The following NEDD4L variants were observed in gnomAD, a reference collection of about 807,000 sequenced individuals.
NEDD4L encodes the protein E3 ubiquitin-protein ligase NEDD4-like.
NEDD4L carries 54 observed loss-of-function variants against 148.9 expected under a neutral mutation model. The observed-to-expected ratio is 0.36, with a 90% CI of 0.29 to 0.45. The LOEUF (loss-of-function observed/expected upper bound fraction) is 0.45, where lower values mean the gene tolerates loss of function less well. Among genes scored for constraint, NEDD4L ranks in the 20% least tolerant of loss-of-function variants. The pLI is 1.00. For synonymous variants in NEDD4L, 433 were observed against 440.7 expected (o/e 0.98, Z 0.22); for missense variants, 856 against 1,233.8 (o/e 0.69, Z 4.59).
At chr18:58,051,521 G>A (rs1263141759) in intron 1 of NEDD4L, among the ~76,000 whole-genome samples, 3 of 150,722 alleles carry the variant, frequency 2.0e-5, no homozygotes, top group Admixed American at 1.3e-4. Context: ...TGCTTGTGCG[G>A]TGTTTAAAAT....
At chr18:58,103,306 A>G (rs1048750708) in intron 1 of NEDD4L, among the ~76,000 whole-genome samples, 2 of 149,162 alleles carry the variant, frequency 1.3e-5, no homozygotes, top group Admixed American at 1.3e-4. Context: ...TATATTATAT[A>G]GATGGTTCTG....
intron 2 of NEDD4L, among the ~76,000 whole-genome samples, chr18:58,167,757 C>CA (rs1172363209): frequency 6.6e-6 from 1 of 152,142 alleles, no homozygotes; most frequent in Non-Finnish European, 1.5e-5. Context: ...TAAACATTTG[C>CA]ATGCCAACCG....
In NEDD4L at chr18:58,397,093, C is replaced by A. The variant is rs1032178901; in HGVS notation, c.*824C>A. The A allele has an allele frequency of 2.6e-5, 4 of 152,596 alleles. No individual in the cohort carries two copies. Among genetic ancestry groups the A allele is most frequent in the Admixed American group, 6.5e-5 (1 of 15,280 alleles). The allele number at this position is 152,596 out of a possible 1,614,324, so 9.5% of individuals were successfully genotyped here. ...AACACATTTGAGACAGGGTTGGACT[C>A]CCATTTCTCATCCGAGAAATTACTT... On this transcript the variant is annotated 3_prime_UTR_variant, in exon 31 of 31. Transcript: ENST00000400345.
intron 1 of NEDD4L, among the ~76,000 whole-genome samples, chr18:58,072,872 GCACACACACACACACACACACA>G (rs766485355): frequency 7.6e-6 from 1 of 131,558 alleles, no homozygotes; most frequent in Non-Finnish European, 1.6e-5. Context: ...GCGCGCGCGC[GCACACACACACACACACACACA>G]CACACACACA....
chr18:58,261,762 C>A (rs1353777317), intron 5 of NEDD4L, among the ~76,000 whole-genome samples: 1 of 152,178 alleles, frequency 6.6e-6, no homozygotes, highest in African/African-American at 2.4e-5. Flanking sequence ...ACTTGTGCAA[C>A]TGTCAATGAT....
At chr18:58,232,523 G>C (rs2045366399) in intron 2 of NEDD4L, among the ~76,000 whole-genome samples, 1 of 152,186 alleles carries the variant, frequency 6.6e-6, no homozygotes, top group Non-Finnish European at 1.5e-5. Flanking sequence ...TCTTGATAGT[G>C]CATGGGCCCA....
chr18:58,323,737 C>A (rs939239325), intron 8 of NEDD4L, among the ~76,000 whole-genome samples: 6 of 152,082 alleles, frequency 3.9e-5, no homozygotes, highest in African/African-American at 1.4e-4. Context: ...GTTTCTTACT[C>A]ATTTGGCCAC....
At chr18:58,292,227 C>G (rs2054863157) in intron 5 of NEDD4L, among the ~76,000 whole-genome samples, 1 of 49,928 alleles carries the variant, frequency 2.0e-5, no homozygotes, top group African/African-American at 1.2e-4. Context: ...GCTGCCAGGA[C>G]TTGGAGGCAC....
At chr18:58,330,648 G>A (rs2059713479) in intron 10 of NEDD4L, 90 bp from the exon 11 acceptor site, 3 of 975,902 alleles carry the variant, frequency 3.1e-6, no homozygotes, top group Admixed American at 3.2e-5. Context: ...AGTTATCACC[G>A]GGGCTATTGT....
intron 2 of NEDD4L, among the ~76,000 whole-genome samples, chr18:58,232,614 G>T (rs576575987): frequency 1.3e-5 from 2 of 152,324 alleles, no homozygotes; most frequent in Middle Eastern, 6.8e-3. Flanking sequence ...CTTGTGTCGG[G>T]ATATAGGGGG....
intron 5 of NEDD4L, among the ~76,000 whole-genome samples, chr18:58,309,696 CA>C (rs34644761): frequency 0.088 from 12,008 of 136,600 alleles, 464 homozygotes; most frequent in Middle Eastern, 0.15. Context: ...GCTCCTCCTG[CA>C]AAAAAAAAAA....
intron 4 of NEDD4L, among the ~76,000 whole-genome samples, chr18:58,249,768 C>A (rs185851523): frequency 6.6e-6 from 1 of 152,218 alleles, no homozygotes; most frequent in African/African-American, 2.4e-5. Flanking sequence ...TCCTCTCAAT[C>A]GCAATAGTAT....
At chr18:58,298,973 T>G (rs1238395973) in intron 5 of NEDD4L, among the ~76,000 whole-genome samples, 2 of 152,256 alleles carry the variant, frequency 1.3e-5, no homozygotes, top group Non-Finnish European at 2.9e-5. Context: ...GCCTTCTAAA[T>G]ATTATCTTTA....
At chr18:58,097,835 C>T (rs1382716545) in intron 1 of NEDD4L, among the ~76,000 whole-genome samples, 5 of 152,008 alleles carry the variant, frequency 3.3e-5, no homozygotes, top group Non-Finnish European at 5.9e-5. Flanking sequence ...AGTTCAAGAC[C>T]AGCCTGGACA....
At chr18:58,307,704 G>C (rs1254424588) in intron 5 of NEDD4L, among the ~76,000 whole-genome samples, 2 of 152,150 alleles carry the variant, frequency 1.3e-5, no homozygotes, top group African/African-American at 2.4e-5. Flanking sequence ...GATGCCCGGA[G>C]ATATGTGAGG....
chr18:58,271,853 A>G (rs1441220094), intron 5 of NEDD4L, among the ~76,000 whole-genome samples: 1 of 152,170 alleles, frequency 6.6e-6, no homozygotes, highest in Admixed American at 6.5e-5. Context: ...TGTTTTCCCA[A>G]CTTAATAATG....
intron 5 of NEDD4L, among the ~76,000 whole-genome samples, chr18:58,268,386 G>T (rs2050529904): frequency 6.6e-6 from 1 of 152,040 alleles, no homozygotes; most frequent in African/African-American, 2.4e-5. Context: ...CTGGACAAGG[G>T]AGGGCCTTAG....
intron 26 of NEDD4L, among the ~76,000 whole-genome samples, chr18:58,385,804 G>A (rs1415110264): frequency 2.0e-5 from 3 of 151,766 alleles, no homozygotes; most frequent in Admixed American, 6.6e-5. Context: ...TCCTTTTCAC[G>A]GGTTCTCCTG....
intron 5 of NEDD4L, among the ~76,000 whole-genome samples, chr18:58,288,748 T>C (rs1343791249): frequency 6.6e-6 from 1 of 152,240 alleles, no homozygotes; most frequent in Non-Finnish European, 1.5e-5. Flanking sequence ...GAACCTTGAA[T>C]GTTCACTATG....
Sources: allele counts gnomAD v4.1 joint callset (sites outside exome capture counted in the v4.1 genomes callset), GRCh38; gene constraint gnomAD v4.1.1; transcripts MANE v1.5; gene names NCBI Gene and HGNC (gene_info 2026-07-23, HGNC 2026-07-21).